Variants in MTUS2 observed in about 807,000 individuals in gnomAD.
MTUS2 encodes the protein microtubule-associated tumor suppressor candidate 2.
In MTUS2, 40 loss-of-function variants were observed where a neutral mutation model predicts 114.1. That is an observed-to-expected ratio of 0.35 (90% CI 0.27 to 0.46). The LOEUF (loss-of-function observed/expected upper bound fraction) is 0.46, where lower values mean the gene tolerates loss of function less well. Ranked by LOEUF, MTUS2 falls within the 20% of genes least tolerant of loss-of-function variation. MTUS2 has a pLI of 1.00. For missense variants in MTUS2, 1,679 were observed against 1,705.4 expected, an observed-to-expected ratio of 0.98 and a Z score of 0.27; for synonymous variants, 688 against 672.0, an observed-to-expected ratio of 1.02 and a Z score of -0.37.
At chr13:29,390,980 A>C (rs1229626545) in intron 8 of MTUS2, among the ~76,000 whole-genome samples, 4 of 152,018 alleles carry the variant, frequency 2.6e-5, no homozygotes, top group Non-Finnish European at 4.4e-5. Context: ...ACGGGGTTTC[A>C]CCATATTGGT....
intron 5 of MTUS2, among the ~76,000 whole-genome samples, chr13:29,131,508 C>T (rs1301405535): frequency 3.3e-5 from 5 of 152,244 alleles, no homozygotes; most frequent in Non-Finnish European, 4.4e-5. Flanking sequence ...GAGGACTTGG[C>T]GTGGGCAGAC....
chr13:29,377,176 T>A (rs1871820457), intron 8 of MTUS2, among the ~76,000 whole-genome samples: 1 of 152,160 alleles, frequency 6.6e-6, no homozygotes, highest in Non-Finnish European at 1.5e-5. Context: ...TCAACACCCC[T>A]GGCTCAGTAG....
chr13:29,248,409 C>A (rs551148443), intron 5 of MTUS2, among the ~76,000 whole-genome samples: 5 of 151,990 alleles, frequency 3.3e-5, no homozygotes, highest in African/African-American at 1.2e-4. Flanking sequence ...AAGAAAAATC[C>A]GTCATATCCA....
chr13:29,019,303 C>G (rs1886198683), intron 2 of MTUS2, among the ~76,000 whole-genome samples: 1 of 152,034 alleles, frequency 6.6e-6, no homozygotes, highest in Non-Finnish European at 1.5e-5. Context: ...CCTTTTGGCA[C>G]CGGGGGCTGC....
chr13:29,348,527 C>A (rs1398368580), intron 7 of MTUS2, among the ~76,000 whole-genome samples: 2 of 152,152 alleles, frequency 1.3e-5, no homozygotes, highest in Non-Finnish European at 2.9e-5. Context: ...AAAACAGTGT[C>A]TACTCTGCTG....
intron 8 of MTUS2, among the ~76,000 whole-genome samples, chr13:29,426,271 C>T (rs1876516123): frequency 6.6e-6 from 1 of 152,212 alleles, no homozygotes; most frequent in Non-Finnish European, 1.5e-5. Context: ...TTGTTAAGTA[C>T]ACATGATCCT....
In MTUS2 at chr13:29,174,628, A is replaced by G. The variant is rs189252739; in HGVS notation, c.2644+73658A>G. On this transcript the variant is annotated intron_variant, in intron 5 of 15. Transcript: ENST00000612955. ...TTGCCTAATAAGTATGTTTTTCTCC[A>G]TTGATTAGGGGCTTTATGTTTAATT... Among the ~76,000 whole-genome samples, 165 of 152,248 alleles carry G rather than the reference A, an allele frequency of 1.1e-3. 1 individual carries two copies. Among genetic ancestry groups the G allele is most frequent in the African/African-American group, 3.9e-3 (162 of 41,552 alleles).
intron 4 of MTUS2, among the ~76,000 whole-genome samples, chr13:29,068,559 G>A (rs1382380573): frequency 2.0e-5 from 3 of 152,200 alleles, no homozygotes; most frequent in Non-Finnish European, 4.4e-5. Flanking sequence ...AGGTTCCACA[G>A]TCAATTATGA....
chr13:29,491,953 G>A (rs1229115317), intron 11 of MTUS2, among the ~76,000 whole-genome samples: 4 of 144,300 alleles, frequency 2.8e-5, no homozygotes, highest in Admixed American at 1.4e-4. Flanking sequence ...GTGGCATGTA[G>A]TGTGTGTGTA....
intron 8 of MTUS2, among the ~76,000 whole-genome samples, chr13:29,375,640 C>T (rs9506166): frequency 0.17 from 730 of 4,206 alleles, 150 homozygotes; most frequent in African/African-American, 0.28. Context: ...TATATATATA[C>T]ACACACCATG....
At chr13:28,868,648 A>C (rs1482105838) in intron 2 of MTUS2, among the ~76,000 whole-genome samples, 2 of 152,210 alleles carry the variant, frequency 1.3e-5, no homozygotes, top group African/African-American at 4.8e-5. Flanking sequence ...AGTGGTTTTA[A>C]AATAGCCTCA....
At chr13:28,913,403 G>A (rs1333293308) in intron 2 of MTUS2, among the ~76,000 whole-genome samples, 1 of 152,070 alleles carries the variant, frequency 6.6e-6, no homozygotes, top group African/African-American at 2.4e-5. Context: ...CTGTTTGTGT[G>A]ATTTATTACA....
intron 2 of MTUS2, among the ~76,000 whole-genome samples, chr13:28,888,541 C>T (rs989653174): frequency 2.0e-5 from 3 of 151,880 alleles, no homozygotes; most frequent in South Asian, 2.1e-4. Flanking sequence ...CCTGCCTCAG[C>T]CTCCTGAGTA....
intron 8 of MTUS2, among the ~76,000 whole-genome samples, chr13:29,419,954 G>A (rs1418272494): frequency 1.3e-5 from 2 of 152,174 alleles, no homozygotes; most frequent in Non-Finnish European, 2.9e-5. Flanking sequence ...AGTATCCAAT[G>A]CTGATATTTT....
At chr13:29,106,644 C>T (rs933077018) in intron 5 of MTUS2, among the ~76,000 whole-genome samples, 2 of 152,134 alleles carry the variant, frequency 1.3e-5, no homozygotes, top group African/African-American at 2.4e-5. Flanking sequence ...CATGAGCCAC[C>T]GTGCCTGGCC....
Position 29,025,837 on chromosome 13 carries a change from A to G in MTUS2, c.1139A>G (p.Glu380Gly). The G allele has an allele frequency of 6.2e-7, 1 of 1,613,692 alleles. No individual in the cohort carries two copies. Among genetic ancestry groups the G allele is most frequent in the Non-Finnish European group, 8.5e-7 (1 of 1,179,778 alleles). Residue 380 changes from glutamate to glycine, a missense_variant, in exon 3 of 16, where the codon GAG (glutamate) becomes GGG (glycine). Around this residue, in one of 3 missense-constraint regions of MTUS2, gnomAD observed 843 missense variants for 770.8 expected, o/e 1.09. Transcript: ENST00000612955. ...HLGVGRGNCE[E>G]KRGVNPGEQD... ...GGGGTGGGAAGAGGCAACTGTGAAG[A>G]GAAGAGAGGAGTCAACCCAGGGGAG... is the stretch of plus-strand genomic sequence containing the variant.
At chr13:28,956,190 A>G (rs1883055350) in intron 2 of MTUS2, among the ~76,000 whole-genome samples, 1 of 151,816 alleles carries the variant, frequency 6.6e-6, no homozygotes, top group African/African-American at 2.4e-5. Context: ...TACTTCACTT[A>G]GAATAATAGT....
At chr13:29,049,965 C>T (rs1462136189) in intron 4 of MTUS2, among the ~76,000 whole-genome samples, 1 of 152,188 alleles carries the variant, frequency 6.6e-6, no homozygotes, top group Non-Finnish European at 1.5e-5. Context: ...TAAGGAGCTT[C>T]CCTGTGAGTA....
chr13:29,183,481 T>C lies in MTUS2; in HGVS notation c.2644+82511T>C, dbSNP rs541757616. Reference sequence around the variant, plus strand: ...AAATGGAAATATCAAGTAACGAGTCTGGAGTTCAGAGGAGAAAGTTGGAGC... The same window carrying C: ...AAATGGAAATATCAAGTAACGAGTCCGGAGTTCAGAGGAGAAAGTTGGAGC... On this transcript the variant is annotated intron_variant, in intron 5 of 15. Transcript: ENST00000612955. Among the ~76,000 whole-genome samples the C allele has an allele frequency of 7.9e-5, 12 of 152,246 alleles. No individual in the cohort carries two copies. The South Asian group carries it at 2.3e-3, about 29-fold the overall frequency.
Sources: allele counts gnomAD v4.1 joint callset (sites outside exome capture counted in the v4.1 genomes callset), GRCh38; gene constraint gnomAD v4.1.1; regional missense constraint gnomAD v4.1.1; transcripts MANE v1.5; gene names NCBI Gene and HGNC (gene_info 2026-07-23, HGNC 2026-07-21).